Variants in AGBL3 observed in about 807,000 individuals in gnomAD.
AGBL3 encodes the protein cytosolic carboxypeptidase 3.
A neutral mutation model predicts 94.5 loss-of-function variants in AGBL3; 68 were observed. The ratio of observed to expected loss-of-function variants is 0.72; its 90% CI spans 0.59 to 0.88. The LOEUF is 0.88. Ranked by LOEUF, AGBL3 falls within the 40% of genes least tolerant of loss-of-function variation. The pLI, the probability that AGBL3 is intolerant of heterozygous loss-of-function variation, is 0.00. For synonymous variants in AGBL3, 354 were observed against 370.7 expected (o/e 0.95, Z 0.52); for missense variants, 934 against 1,103.8 (o/e 0.85, Z 2.18).
intron 15 of AGBL3, among the ~76,000 whole-genome samples, chr7:135,110,085 T>C (rs1015697354): frequency 1.3e-5 from 2 of 151,802 alleles, no homozygotes; most frequent in Non-Finnish European, 2.9e-5. Flanking sequence ...ACAGCAAAGA[T>C]AGTGGTTCAC....
Position 135,107,726 on chromosome 7 carries a change from C to A in AGBL3, c.2111-7654C>A, listed in dbSNP as rs192177019. 1.3e-3 allele frequency among the ~76,000 whole-genome samples: 199 copies of A among 152,218 alleles called. 1 individual carries two copies. The highest frequency in any genetic ancestry group is 6.8e-3 in the Middle Eastern group (2 of 294). On this transcript the variant is annotated intron_variant, in intron 15 of 16. Coordinates refer to ENST00000436302, the MANE Select transcript of AGBL3 (RefSeq NM_178563.4). ...GATGGAGAGTTCTGTAGATGTCTAT[C>A]AGATCTATTTGGTCCAATGTTGGAT... is the stretch of plus-strand genomic sequence containing the variant.
rs373972706 is a variant in AGBL3 at position 135,076,413 on chromosome 7, C to T, written c.1925C>T (p.Thr642Ile). 146 of 1,546,948 alleles carry T rather than the reference C, an allele frequency of 9.4e-5. No individual in the cohort carries two copies. Among genetic ancestry groups the T allele is most frequent in the Non-Finnish European group, 1.2e-4 (141 of 1,143,404 alleles). The stretch of plus-strand genomic sequence containing the variant: ...TTTTACTAGAAAAAACATTTGAAAA[C>T]AAAGAAGGAAAGGAATTCTACCATA... ...KLTSQKKHLK[T>I]KKERNSTIAS... The change falls in exon 13 of 17, where the codon ACA (threonine) becomes ATA (isoleucine). Residue 642 changes from threonine to isoleucine, a missense_variant. Around this residue, in one of 3 missense-constraint regions of AGBL3, gnomAD observed 441 missense variants for 518.2 expected, o/e 0.85. Transcript: ENST00000436302.
At chr7:135,011,464 AGGCAAACAATAGT>A (rs1813146153) in intron 4 of AGBL3, 1 of 152,180 alleles carries the variant, frequency 6.6e-6, no homozygotes, top group African/African-American at 2.4e-5. Flanking sequence ...AAATAAAACG[AGGCAAACAATAGT>A]TTGGGAGAAT....
At chr7:135,059,308 GC>G in intron 12 of AGBL3, 73 bp downstream of exon 12, 3 of 1,009,600 alleles carry the variant, frequency 3.0e-6, no homozygotes, top group South Asian at 1.9e-5. Context: ...TAATAATCAG[GC>G]AAAAAAAATT....
At chr7:135,019,693 G>C (rs1014460269) in intron 5 of AGBL3, among the ~76,000 whole-genome samples, 2 of 152,134 alleles carry the variant, frequency 1.3e-5, no homozygotes, top group African/African-American at 4.8e-5. Context: ...AACCAAAACA[G>C]CACGGTACTG....
chr7:135,046,564 T>A (rs1817377205), intron 11 of AGBL3, among the ~76,000 whole-genome samples: 1 of 152,164 alleles, frequency 6.6e-6, no homozygotes, highest in Admixed American at 6.6e-5. Context: ...ATAGGTAGAA[T>A]CACACAGTAT....
chr7:135,102,817 A>G (rs73153771), intron 15 of AGBL3, among the ~76,000 whole-genome samples: 18,071 of 152,138 alleles, frequency 0.12, 1,205 homozygotes, highest in East Asian at 0.19. Flanking sequence ...AAAATCATAA[A>G]AACTTATAGG....
chr7:135,115,668 C>A, intron 16 of AGBL3, 57 bp downstream of exon 16: 1 of 1,338,600 alleles, frequency 7.5e-7, no homozygotes, highest in Non-Finnish European at 1.0e-6. Context: ...TTTAAAAAAG[C>A]AGGGCTTATT....
intron 15 of AGBL3, among the ~76,000 whole-genome samples, chr7:135,087,027 A>G (rs1219540081): frequency 6.6e-6 from 1 of 151,930 alleles, no homozygotes; most frequent in African/African-American, 2.4e-5. Context: ...ATCATTACTC[A>G]TAATTGGTCT....
At chr7:135,016,945 C>G (rs1813872799) in intron 4 of AGBL3, 107 bp from the exon 5 acceptor site, 1 of 744,566 alleles carries the variant, frequency 1.3e-6, no homozygotes, top group Admixed American at 2.4e-5. Context: ...ACACAAAACA[C>G]TACATTTTAG....
chr7:135,047,946 T>G (rs1436778771), intron 11 of AGBL3, among the ~76,000 whole-genome samples: 1 of 151,874 alleles, frequency 6.6e-6, no homozygotes, highest in African/African-American at 2.4e-5. Context: ...TTTGCAGAGA[T>G]CAGCGCCATG....
At chr7:135,104,964 T>C (rs1824436332) in intron 15 of AGBL3, among the ~76,000 whole-genome samples, 1 of 152,108 alleles carries the variant, frequency 6.6e-6, no homozygotes, top group Admixed American at 6.5e-5. Flanking sequence ...TTTGTTGTGA[T>C]TGCTTTTGGT....
In AGBL3 at chr7:134,988,011, A is replaced by C; in HGVS notation, c.63+15A>C. ...AAGATGAATCGGTATGTTTTTCTCA[A>C]CTTTATTTTACTTGGAGATAAAATT... On this transcript the variant is annotated intron_variant, in intron 2 of 16. Transcript: ENST00000436302. 6.6e-7 allele frequency: 1 copy of C among 1,508,054 alleles called. No homozygotes were observed. Among genetic ancestry groups the C allele is most frequent in the Non-Finnish European group, 8.9e-7 (1 of 1,117,782 alleles). 93.4% of individuals were successfully genotyped at this position (1,508,054 alleles called of 1,614,324 possible). A position where few individuals can be genotyped will look rare whatever the true frequency, so the allele number is the denominator to read the frequency against.
At chr7:135,129,514 G>A in intron 16 of AGBL3, 2 of 772,488 alleles carry the variant, frequency 2.6e-6, no homozygotes, top group South Asian at 2.7e-5. Context: ...AAATTAGATG[G>A]ATATAACAAG....
At chr7:135,005,181 C>T (rs1031336236) in intron 4 of AGBL3, among the ~76,000 whole-genome samples, 1 of 151,736 alleles carries the variant, frequency 6.6e-6, no homozygotes, top group Non-Finnish European at 1.5e-5. Flanking sequence ...GATATCCTTA[C>T]ATTTCACCTG....
At chr7:135,062,334 A>C (rs1281656015) in intron 12 of AGBL3, among the ~76,000 whole-genome samples, 1 of 151,996 alleles carries the variant, frequency 6.6e-6, no homozygotes, top group African/African-American at 2.4e-5. Flanking sequence ...TCTCCAAACA[A>C]GGACAATTTA....
chr7:134,991,152 T>C (rs1810190532), intron 3 of AGBL3, among the ~76,000 whole-genome samples: 1 of 140,742 alleles, frequency 7.1e-6, no homozygotes, highest in Non-Finnish European at 1.5e-5. Flanking sequence ...TTTGGGACTA[T>C]CTTGCACATG....
chr7:135,016,005 T>C (rs975845498), intron 4 of AGBL3, among the ~76,000 whole-genome samples: 2 of 148,028 alleles, frequency 1.4e-5, no homozygotes, highest in Admixed American at 6.7e-5. Context: ...CACTCCAGCC[T>C]GGGCGACAGA....
At chr7:134,991,180 G>A (rs1810196135) in intron 3 of AGBL3, among the ~76,000 whole-genome samples, 1 of 125,296 alleles carries the variant, frequency 8.0e-6, no homozygotes, top group Non-Finnish European at 1.6e-5. Flanking sequence ...CAGGGATTGA[G>A]CTGAGACATT....
Sources: allele counts gnomAD v4.1 joint callset (sites outside exome capture counted in the v4.1 genomes callset), GRCh38; gene constraint gnomAD v4.1.1; regional missense constraint gnomAD v4.1.1; transcripts MANE v1.5; gene names NCBI Gene and HGNC (gene_info 2026-07-23, HGNC 2026-07-21).